LACTBL1: variants seen among roughly 807,000 people sequenced by gnomAD.
The protein encoded by LACTBL1 is lactamase beta like 1.
LACTBL1 carries 29 observed loss-of-function variants against 39.6 expected under a neutral mutation model. That is an observed-to-expected ratio of 0.73 (90% CI 0.55 to 1.00). LACTBL1 has a LOEUF of 1.00. Ranked by LOEUF, LACTBL1 falls within the 50% of genes least tolerant of loss-of-function variation. LACTBL1 has a pLI of 0.00. For synonymous variants in LACTBL1, 361 were observed against 360.7 expected (o/e 1.00, Z -0.01); for missense variants, 711 against 748.5 (o/e 0.95, Z 0.59).
At chr1:22,966,008 AATTG>A (rs1410654430), upstream of LACTBL1, among the ~76,000 whole-genome samples, 1 of 152,170 alleles carries the variant, frequency 6.6e-6, no homozygotes, top group Non-Finnish European at 1.5e-5. Flanking sequence ...AATGTTCTAA[AATTG>A]ATTATGGTGC....
At chr1:22,959,532 A>T (rs1040144157) in intron 3 of LACTBL1, among the ~76,000 whole-genome samples, 1 of 152,238 alleles carries the variant, frequency 6.6e-6, no homozygotes, top group African/African-American at 2.4e-5. Context: ...GAGACTCCAG[A>T]TATGCAACAG....
intron 1 of LACTBL1, among the ~76,000 whole-genome samples, chr1:22,963,921 A>G (rs1182341538): frequency 6.6e-6 from 1 of 152,056 alleles, no homozygotes; most frequent in Non-Finnish European, 1.5e-5. Context: ...GGTAGGTTTC[A>G]TATGACCATA....
chr1:22,953,056 A>C (rs1640718533), exon 6 of LACTBL1: 1 of 1,232,326 alleles, frequency 8.1e-7, no homozygotes, highest in East Asian at 3.2e-5. Context: ...CTGGGTCTTG[A>C]ACACCGGCTT....
the LACTBL1 span, among the ~76,000 whole-genome samples, chr1:22,970,365 C>T: frequency 1.3e-5 from 2 of 152,074 alleles, no homozygotes; most frequent in Non-Finnish European, 2.9e-5. Flanking sequence ...TGGTTACAGA[C>T]TATAGAATAC....
intron 4 of LACTBL1, among the ~76,000 whole-genome samples, chr1:22,955,834 G>T (rs536067232): frequency 7.9e-5 from 12 of 152,264 alleles, no homozygotes; most frequent in African/African-American, 2.9e-4. Context: ...AGGCCAAGGT[G>T]GGCGGATTGC....
At chr1:22,960,617 C>CAAAAAAA (rs35006759) in intron 2 of LACTBL1, among the ~76,000 whole-genome samples, 5 of 37,988 alleles carry the variant, frequency 1.3e-4, no homozygotes, top group African/African-American at 2.1e-4. Context: ...AACTCCGTCT[C>CAAAAAAA]AAAAAAAAAA....
chr1:22,965,341 C>A, upstream of LACTBL1: 1 of 1,291,210 alleles, frequency 7.7e-7, no homozygotes. Context: ...CCAGTCATGA[C>A]CACTGAGAGC....
intron 2 of LACTBL1, among the ~76,000 whole-genome samples, chr1:22,961,508 C>G (rs936962483): frequency 6.6e-6 from 1 of 152,138 alleles, no homozygotes; most frequent in African/African-American, 2.4e-5. Flanking sequence ...GGATTACAGT[C>G]ATATGCCACC....
upstream of LACTBL1, among the ~76,000 whole-genome samples, chr1:22,969,588 G>A (rs898762766): frequency 2.0e-5 from 3 of 152,066 alleles, no homozygotes; most frequent in South Asian, 2.1e-4. Flanking sequence ...AGCGAACTCC[G>A]CCAGCCCATT....
intron 4 of LACTBL1, 42 bp from the exon 7 acceptor site, chr1:22,955,468 G>A: frequency 1.5e-6 from 2 of 1,315,234 alleles, no homozygotes; most frequent in African/African-American, 1.5e-5. Flanking sequence ...CCCGGCTGAG[G>A]GTGGGATGGT....
the LACTBL1 span, among the ~76,000 whole-genome samples, chr1:22,970,689 A>G: frequency 1.8e-3 from 280 of 152,020 alleles, 1 homozygote; most frequent in African/African-American, 6.3e-3. Flanking sequence ...ATGCACCTGT[A>G]GTCCCAGCTA....
chr1:22,956,025 C>T (rs1000902036), intron 4 of LACTBL1, among the ~76,000 whole-genome samples: 12 of 145,632 alleles, frequency 8.2e-5, no homozygotes, highest in African/African-American at 3.1e-4. Context: ...GATCGCACCA[C>T]TGCACTCCAG....
chr1:22,964,273 G>T (rs1317912722), intron 1 of LACTBL1, among the ~76,000 whole-genome samples: 3 of 152,164 alleles, frequency 2.0e-5, no homozygotes, highest in African/African-American at 7.2e-5. Flanking sequence ...TTCCACCTTC[G>T]AAGCTGGCTG....
intron 4 of LACTBL1, among the ~76,000 whole-genome samples, chr1:22,956,600 C>T (rs1316359411): frequency 6.6e-6 from 1 of 152,092 alleles, no homozygotes. Flanking sequence ...TGTCTTCACC[C>T]CCTTACCTGT....
At chr1:22,956,063 CAAAAA>C (rs10582369) in intron 4 of LACTBL1, among the ~76,000 whole-genome samples, 2 of 76,594 alleles carry the variant, frequency 2.6e-5, no homozygotes, top group Admixed American at 1.5e-4. Context: ...AACTCCATCT[CAAAAA>C]AAAAAAAAAA....
At chr1:22,958,963 TG>T in intron 3 of LACTBL1, 43 bp from the exon 6 acceptor site, 1 of 1,388,194 alleles carries the variant, frequency 7.2e-7, no homozygotes, top group Non-Finnish European at 9.9e-7. Context: ...GGCATCCTGT[TG>T]GCCCCACAAC....
At chr1:22,970,831 C>T in the LACTBL1 span, among the ~76,000 whole-genome samples, 3 of 145,562 alleles carry the variant, frequency 2.1e-5, no homozygotes, top group African/African-American at 7.6e-5. Flanking sequence ...AAAAAAACAA[C>T]TCTTAGAACT....
upstream of LACTBL1, among the ~76,000 whole-genome samples, chr1:22,967,400 C>T (rs1223158651): frequency 6.6e-6 from 1 of 151,804 alleles, no homozygotes; most frequent in African/African-American, 2.4e-5. Context: ...AAAAATTAGC[C>T]AGGTGTGGTG....
chr1:22,953,361 G>T lies in LACTBL1; in HGVS notation c.1323C>A (p.Tyr441Ter), dbSNP rs914816969. Residue 441 changes from tyrosine (Y) to a stop codon, truncating the protein, a stop_gained, in exon 6 of 6, where the codon TAC becomes TAA. Coordinates refer to ENST00000426928, the Ensembl canonical transcript of LACTBL1. LOFTEE classifies it high-confidence loss of function. ...CGCCCGCCGGCCCGGCGCGCACCTC[G>T]TAGAAGGTCAGGTTGGCGAAGGTGA... The T allele has an allele frequency of 2.4e-6, 3 of 1,228,754 alleles. No homozygotes were observed. The highest frequency in any genetic ancestry group is 3.1e-4 in the Middle Eastern group (1 of 3,186). The allele number at this position is 1,228,754 out of a possible 1,614,324, so 76.1% of individuals were successfully genotyped here. A position where few individuals can be genotyped will look rare whatever the true frequency, so the allele number is the denominator to read the frequency against.
Sources: gnomAD v4.1 joint callset for allele counts (sites outside exome capture counted in the v4.1 genomes callset) on GRCh38, gnomAD v4.1.1 for gene constraint, MANE v1.5 for transcripts, NCBI Gene and HGNC (gene_info 2026-07-23, HGNC 2026-07-21) for gene names.